Variants in SLC20A2 observed in about 807,000 individuals in gnomAD.
The protein encoded by SLC20A2 is solute carrier family 20 member 2, also known as sodium-dependent phosphate transporter 2.
In SLC20A2, 30 loss-of-function variants were observed where a neutral mutation model predicts 61.0. The ratio of observed to expected loss-of-function variants is 0.49; its 90% CI spans 0.37 to 0.67. The LOEUF (loss-of-function observed/expected upper bound fraction) is 0.67, where lower values mean the gene tolerates loss of function less well. Ranked by LOEUF, SLC20A2 falls within the 30% of genes least tolerant of loss-of-function variation. SLC20A2 has a pLI of 0.00. For synonymous variants in SLC20A2, 351 were observed against 353.3 expected, an observed-to-expected ratio of 0.99 and a Z score of 0.07; for missense variants, 626 against 866.4, an observed-to-expected ratio of 0.72 and a Z score of 3.48.
chr8:42,458,947 C>CCG lies in SLC20A2; in HGVS notation c.613+948_613+949insCG, dbSNP rs938559437. On this transcript the variant is annotated intron_variant, in intron 5 of 10. Coordinates refer to ENST00000520262, the MANE Select transcript of SLC20A2 (RefSeq NM_001257180.2). Reference sequence around the variant, plus strand: ...AATAAAAAATAATTTTTAACCCCCCCCCCCACAAAAAACCTCTGAACCTTT... The same window carrying CCG: ...AATAAAAAATAATTTTTAACCCCCCCCGCCCCACAAAAAACCTCTGAACCTTT... 8.5e-5 allele frequency among the ~76,000 whole-genome samples: 12 copies of CCG among 140,544 alleles called. 1 individual carries two copies. The highest frequency in any genetic ancestry group is 2.9e-4 in the African/African-American group (11 of 37,998). The allele number at this position is 140,544 out of a possible 152,430, so 92.2% of individuals were successfully genotyped here. A position where few individuals can be genotyped will look rare whatever the true frequency, so the allele number is the denominator to read the frequency against.
intron 1 of SLC20A2, among the ~76,000 whole-genome samples, chr8:42,511,613 C>G (rs924726601): frequency 9.4e-5 from 14 of 148,638 alleles, no homozygotes; most frequent in Middle Eastern, 3.5e-3. Flanking sequence ...GGTGACAGAG[C>G]AAGACTCCAT....
intron 8 of SLC20A2, among the ~76,000 whole-genome samples, chr8:42,432,092 T>C (rs1439998255): frequency 6.6e-6 from 1 of 152,220 alleles, no homozygotes; most frequent in African/African-American, 2.4e-5. Context: ...AGAGCTGCCA[T>C]AGATAGTGAT....
chr8:42,447,576 G>A (rs1296577775), intron 5 of SLC20A2, among the ~76,000 whole-genome samples: 1 of 151,806 alleles, frequency 6.6e-6, no homozygotes, highest in Non-Finnish European at 1.5e-5. Flanking sequence ...TACTCCGGAG[G>A]CTGAGGCAGG....
intron 4 of SLC20A2, chr8:42,460,258 C>T (rs1806592290): frequency 3.3e-6 from 1 of 303,792 alleles, no homozygotes; most frequent in African/African-American, 2.1e-5. Context: ...ATCACATGAG[C>T]TGATGTCAGA....
At chr8:42,462,401 C>T (rs531783176) in intron 4 of SLC20A2, among the ~76,000 whole-genome samples, 2 of 152,270 alleles carry the variant, frequency 1.3e-5, no homozygotes, top group African/African-American at 4.8e-5. Flanking sequence ...AGGAAGCATG[C>T]ACTCAATAGT....
chr8:42,528,227 C>T (rs536137140), intron 1 of SLC20A2, among the ~76,000 whole-genome samples: 6 of 152,118 alleles, frequency 3.9e-5, no homozygotes, highest in Admixed American at 1.3e-4. Context: ...TTTGGGAGGC[C>T]GAGGCAGGCA....
In SLC20A2 at chr8:42,511,927, T is replaced by A. The variant is rs139150947; in HGVS notation, c.-265+29894A>T. On this transcript the variant is annotated intron_variant, in intron 1 of 10. Coordinates refer to the SLC20A2 transcript ENST00000342228. ...AACCCAGAAGGATCAACAACTCAGC[T>A]CTCAGAACTATAATAGCCCAATAAT... Among the ~76,000 whole-genome samples the A allele has an allele frequency of 7.9e-3, 1,195 of 152,026 alleles. 8 individuals carry two copies. Among genetic ancestry groups the A allele is most frequent in the African/African-American group, 0.028 (1,144 of 41,448 alleles).
At chr8:42,524,110 C>A (rs998583964) in intron 1 of SLC20A2, among the ~76,000 whole-genome samples, 18 of 152,184 alleles carry the variant, frequency 1.2e-4, no homozygotes, top group African/African-American at 3.9e-4. Context: ...AGAATCTCTC[C>A]CTAATTGCTG....
intron 1 of SLC20A2, among the ~76,000 whole-genome samples, chr8:42,508,167 AAAAG>A (rs913649084): frequency 2.0e-5 from 3 of 151,748 alleles, no homozygotes; most frequent in Non-Finnish European, 4.4e-5. Flanking sequence ...CTGTCTCAAA[AAAAG>A]AAAGAAAGAA....
chr8:42,455,608 C>T (rs1029281844), intron 5 of SLC20A2, among the ~76,000 whole-genome samples: 3 of 150,464 alleles, frequency 2.0e-5, no homozygotes, highest in African/African-American at 4.9e-5. Flanking sequence ...TGCAGTGAGC[C>T]GAGATTGCTG....
intron 1 of SLC20A2, among the ~76,000 whole-genome samples, chr8:42,476,009 T>G (rs924133692): frequency 2.0e-5 from 3 of 151,964 alleles, no homozygotes; most frequent in Non-Finnish European, 4.4e-5. Context: ...GTTTTTAGTT[T>G]TGCTTTTTGG....
chr8:42,485,486 A>G (rs1808907445), intron 1 of SLC20A2, among the ~76,000 whole-genome samples: 1 of 151,842 alleles, frequency 6.6e-6, no homozygotes, highest in Non-Finnish European at 1.5e-5. Context: ...TACTAAAAAT[A>G]CAAAAATTGG....
chr8:42,444,518 G>T (rs1440532135), intron 6 of SLC20A2, 128 bp downstream of exon 6: 5 of 709,920 alleles, frequency 7.0e-6, no homozygotes, highest in Non-Finnish European at 1.2e-5. Flanking sequence ...GAGAGACAGA[G>T]GATGGGGTAT....
chr8:42,441,065 T>C (rs970266694), intron 6 of SLC20A2, among the ~76,000 whole-genome samples: 51 of 151,360 alleles, frequency 3.4e-4, no homozygotes, highest in African/African-American at 1.1e-3. Flanking sequence ...TCCCAAAGTG[T>C]TGGGATTACA....
chr8:42,466,213 C>T (rs1328516139), intron 2 of SLC20A2, among the ~76,000 whole-genome samples: 1 of 152,262 alleles, frequency 6.6e-6, no homozygotes, highest in Non-Finnish European at 1.5e-5. Context: ...TGGCTCACTG[C>T]AACCTCTGCC....
At chr8:42,456,789 C>T (rs374674465) in intron 5 of SLC20A2, among the ~76,000 whole-genome samples, 1 of 151,364 alleles carries the variant, frequency 6.6e-6, no homozygotes, top group East Asian at 1.9e-4. Flanking sequence ...ACAGAGTTCA[C>T]TTCCAACCCA....
At chr8:42,419,008 CAAAA>C (rs778981433) in intron 10 of SLC20A2, among the ~76,000 whole-genome samples, 1 of 64,194 alleles carries the variant, frequency 1.6e-5, no homozygotes. Context: ...GACTCTGTCT[CAAAA>C]AAAAAAAAAA....
At chr8:42,475,261 T>C (rs1352001772) in intron 1 of SLC20A2, among the ~76,000 whole-genome samples, 1 of 151,908 alleles carries the variant, frequency 6.6e-6, no homozygotes, top group Non-Finnish European at 1.5e-5. Context: ...CATTATACCC[T>C]ACTAATTTTT....
intron 4 of SLC20A2, among the ~76,000 whole-genome samples, chr8:42,461,078 A>G (rs1806656128): frequency 6.6e-6 from 1 of 152,204 alleles, no homozygotes; most frequent in African/African-American, 2.4e-5. Flanking sequence ...AGCCAAGAGC[A>G]CTTGTCAAGA....
Sources: gnomAD v4.1 joint callset for allele counts (sites outside exome capture counted in the v4.1 genomes callset) on GRCh38, gnomAD v4.1.1 for gene constraint, MANE v1.5 for transcripts, NCBI Gene and HGNC (gene_info 2026-07-23, HGNC 2026-07-21) for gene names.